CASK: variants seen among roughly 807,000 people sequenced by gnomAD.
CASK encodes calcium/calmodulin dependent serine protein kinase.
CASK carries 4 observed loss-of-function variants against 82.9 expected under a neutral mutation model. The observed-to-expected ratio is 0.05, with a 90% CI of 0.02 to 0.11. The LOEUF (loss-of-function observed/expected upper bound fraction) is 0.11. Ranked by LOEUF, CASK falls within the 10% of genes least tolerant of loss-of-function variation. The pLI, the probability that CASK is intolerant of heterozygous loss-of-function variation, is 1.00. For missense variants in CASK, 358 were observed against 720.9 expected, an observed-to-expected ratio of 0.50 and a Z score of 5.76; for synonymous variants, 259 against 253.5, an observed-to-expected ratio of 1.02 and a Z score of -0.20.
intron 1 of CASK, among the ~76,000 whole-genome samples, chrX:41,893,305 GAA>G (rs751387911): frequency 8.9e-6 from 1 of 112,035 alleles, no homozygotes; most frequent in East Asian, 2.8e-4. Context: ...AGCTCCAAGA[GAA>G]AGCCCCATGG....
At chrX:41,577,279 T>C (rs1024537237) in intron 15 of CASK, among the ~76,000 whole-genome samples, 6 of 111,553 alleles carry the variant, frequency 5.4e-5, no homozygotes, top group African/African-American at 2.0e-4. Flanking sequence ...TTACCTACTC[T>C]TTCATTATTT....
intron 12 of CASK, among the ~76,000 whole-genome samples, chrX:41,593,486 G>A (rs765165115): frequency 4.5e-5 from 5 of 111,739 alleles, no homozygotes; most frequent in Non-Finnish European, 9.4e-5. Flanking sequence ...ATGAGTTTCT[G>A]TCTTCAAAGA....
At chrX:41,901,221 G>A (rs1431011083) in intron 1 of CASK, among the ~76,000 whole-genome samples, 1 of 111,795 alleles carries the variant, frequency 8.9e-6, no homozygotes, top group Non-Finnish European at 1.9e-5. Flanking sequence ...GGTGGTTCAC[G>A]CCTGTAATCC....
chrX:41,681,691 T>C (rs746242484), intron 5 of CASK, among the ~76,000 whole-genome samples: 1 of 111,368 alleles, frequency 9.0e-6, no homozygotes, highest in East Asian at 2.8e-4. Flanking sequence ...AGTCATGACA[T>C]TACAAGAAAA....
At chrX:41,698,092 G>T (rs1265559336) in intron 5 of CASK, 1 of 111,299 alleles carries the variant, frequency 9.0e-6, no homozygotes, top group Non-Finnish European at 1.9e-5. Flanking sequence ...ATGAGCCACC[G>T]CGCCTGGTAG....
At chrX:41,701,015 C>T (rs1383803946) in intron 5 of CASK, among the ~76,000 whole-genome samples, 1 of 101,035 alleles carries the variant, frequency 9.9e-6, no homozygotes, top group Non-Finnish European at 2.0e-5. Flanking sequence ...TGTGTTTTTG[C>T]AAAGCTCAGG....
chrX:41,857,488 G>A (rs1374624036), intron 1 of CASK, among the ~76,000 whole-genome samples: 1 of 111,320 alleles, frequency 9.0e-6, no homozygotes, highest in East Asian at 2.8e-4. Flanking sequence ...CAACTTAGAG[G>A]AAACACACTA....
At chrX:41,569,206 T>C (rs893536588) in intron 16 of CASK, among the ~76,000 whole-genome samples, 16 of 111,956 alleles carry the variant, frequency 1.4e-4, no homozygotes, top group African/African-American at 4.9e-4. Flanking sequence ...TCTTAAATGG[T>C]TATTTATTTA....
intron 2 of CASK, among the ~76,000 whole-genome samples, chrX:41,804,091 C>T (rs2070060584): frequency 9.0e-6 from 1 of 111,582 alleles, no homozygotes; most frequent in South Asian, 3.7e-4. Flanking sequence ...CTCATGCCCA[C>T]AATCCTAGCA....
chrX:41,870,758 G>A (rs947167067), intron 1 of CASK, among the ~76,000 whole-genome samples: 9 of 111,846 alleles, frequency 8.0e-5, no homozygotes, highest in Non-Finnish European at 1.7e-4. Flanking sequence ...GCTATTTTAA[G>A]GGTAACCACT....
intron 2 of CASK, among the ~76,000 whole-genome samples, chrX:41,799,810 A>G (rs2069952834): frequency 9.8e-6 from 1 of 102,483 alleles, no homozygotes. Context: ...CTGTCCCCCC[A>G]CAGCTCTGTT....
chrX:41,914,130 A>G (rs1342482845), intron 1 of CASK, among the ~76,000 whole-genome samples: 2 of 112,286 alleles, frequency 1.8e-5, no homozygotes, highest in African/African-American at 6.5e-5. Flanking sequence ...AATACAGTGT[A>G]CTTCTATCCT....
chrX:41,866,635 C>T (rs1226772645), intron 1 of CASK, among the ~76,000 whole-genome samples: 1 of 111,682 alleles, frequency 9.0e-6, no homozygotes, highest in Non-Finnish European at 1.9e-5. Context: ...CATTTTCAAC[C>T]TATTTTATTC....
intron 2 of CASK, among the ~76,000 whole-genome samples, chrX:41,809,994 T>G (rs932667634): frequency 8.9e-6 from 1 of 111,912 alleles, no homozygotes; most frequent in Non-Finnish European, 1.9e-5. Context: ...TATCAGTGAC[T>G]GAAGATCAAA....
intron 15 of CASK, among the ~76,000 whole-genome samples, chrX:41,573,042 T>C (rs1267214048): frequency 9.2e-6 from 1 of 108,691 alleles, no homozygotes; most frequent in Middle Eastern, 4.7e-3. Context: ...GTCATCCTTA[T>C]GTTTGTTCCT....
chrX:41,636,193 G>A (rs2066552267), intron 9 of CASK, among the ~76,000 whole-genome samples: 1 of 110,548 alleles, frequency 9.0e-6, no homozygotes, highest in African/African-American at 3.3e-5. Flanking sequence ...CACCACACCC[G>A]GCCCCTAATT....
At chrX:41,548,409 G>T (rs2065052013) in intron 21 of CASK, among the ~76,000 whole-genome samples, 1 of 111,558 alleles carries the variant, frequency 9.0e-6, no homozygotes, top group Non-Finnish European at 1.9e-5. Context: ...ACTGAATTTT[G>T]GTATCAGGGT....
chrX:41,709,666 AAT>A (rs1026565965), intron 5 of CASK, among the ~76,000 whole-genome samples: 1 of 111,358 alleles, frequency 9.0e-6, no homozygotes, highest in East Asian at 2.8e-4. Context: ...AAATTATATG[AAT>A]ATATATATAA....
chrX:41,871,535 A>C (rs948270854), intron 1 of CASK, among the ~76,000 whole-genome samples: 4 of 111,816 alleles, frequency 3.6e-5, no homozygotes, highest in African/African-American at 1.3e-4. Flanking sequence ...ACTGTATATA[A>C]TTCTGTTTAT....
Sources: gnomAD v4.1 joint callset for allele counts (sites outside exome capture counted in the v4.1 genomes callset) on GRCh38, gnomAD v4.1.1 for gene constraint, MANE v1.5 for transcripts, NCBI Gene and HGNC (gene_info 2026-07-23, HGNC 2026-07-21) for gene names.